The following PDGFRA variants were observed in gnomAD, a reference collection of about 807,000 sequenced individuals.
PDGFRA encodes platelet derived growth factor receptor alpha.
PDGFRA carries 25 observed loss-of-function variants against 121.5 expected under a neutral mutation model. That is an observed-to-expected ratio of 0.21 (90% CI 0.15 to 0.29). The LOEUF is 0.29. PDGFRA is among the 10% of genes least tolerant of loss of function. The pLI, the probability that PDGFRA is intolerant of heterozygous loss-of-function variation, is 1.00. For synonymous variants in PDGFRA, 463 were observed against 494.8 expected, an observed-to-expected ratio of 0.94 and a Z score of 0.85; for missense variants, 1,008 against 1,345.1, an observed-to-expected ratio of 0.75 and a Z score of 3.92.
intron 4 of PDGFRA, chr4:54,264,128 A>G (rs1261859749): frequency 3.3e-6 from 2 of 597,916 alleles, no homozygotes; most frequent in Non-Finnish European, 2.9e-6. Context: ...TTGATTACCC[A>G]TGCAAGATTT....
chr4:54,233,022 C>T (rs1166652212), intron 1 of PDGFRA, among the ~76,000 whole-genome samples: 2 of 152,154 alleles, frequency 1.3e-5, no homozygotes, highest in Non-Finnish European at 2.9e-5. Context: ...CCCCTCGGCC[C>T]CTTTCCCCCC....
intron 21 of PDGFRA, among the ~76,000 whole-genome samples, chr4:54,290,008 A>T (rs920194691): frequency 1.3e-5 from 2 of 152,236 alleles, no homozygotes; most frequent in South Asian, 4.1e-4. Flanking sequence ...TATGGGACCC[A>T]TCCAAGCCCT....
In PDGFRA at chr4:54,297,437, A is replaced by T. The variant is rs1724929618; in HGVS notation, c.*2165A>T. ...ACGAAAACCTGACTAGGTTCTGTAG[A>T]GCCAATTAGACTTGAAATACGTTTG... On this transcript the variant is annotated 3_prime_UTR_variant, in exon 23 of 23. Transcript: ENST00000257290. 1 of 233,610 alleles carries T rather than the reference A, an allele frequency of 4.3e-6. No homozygotes were observed. The highest frequency in any genetic ancestry group is 2.2e-5 in the African/African-American group (1 of 45,348). 14.5% of individuals were successfully genotyped at this position (233,610 alleles called of 1,614,324 possible).
At chr4:54,286,161 G>C (rs943082231) in intron 18 of PDGFRA, among the ~76,000 whole-genome samples, 198 bp downstream of exon 18, 3 of 152,148 alleles carry the variant, frequency 2.0e-5, no homozygotes, top group African/African-American at 7.2e-5. Flanking sequence ...TTTGGGGCTA[G>C]ATACTTGACT....
At chr4:54,235,268 T>C (rs368703387) in intron 1 of PDGFRA, among the ~76,000 whole-genome samples, 34 of 152,240 alleles carry the variant, frequency 2.2e-4, no homozygotes, top group African/African-American at 8.2e-4. Flanking sequence ...TTTAATCATG[T>C]GAGGGTGGGG....
rs1321102144 is a variant in PDGFRA at position 54,295,201 on chromosome 4, A to G, written c.3199A>G (p.Ile1067Val). The change falls in exon 23 of 23, where the codon ATT becomes GTT. Residue 1067 changes from isoleucine (I) to valine (V), a missense_variant. Physicochemically the swap from Ile to Val is conservative, Grantham distance 29. This residue lies in a region of PDGFRA where 204 missense variants were observed against 243.0 expected (regional missense o/e 0.84). Transcript: ENST00000257290. ...CTTCATCAAGAGAGAGGACGAGACCATTGAAGACATCGACATGATGGATGA... is the reference window on the plus strand; with the variant it reads ...CTTCATCAAGAGAGAGGACGAGACCGTTGAAGACATCGACATGATGGATGA... ...STFIKREDET[I>V]EDIDMMDDIG... The G allele has an allele frequency of 6.2e-7, 1 of 1,613,794 alleles. No homozygotes were observed. Among genetic ancestry groups the G allele is most frequent in the Admixed American group, 1.7e-5 (1 of 60,026 alleles).
intron 8 of PDGFRA, among the ~76,000 whole-genome samples, chr4:54,271,304 T>G (rs144620073): frequency 7.0e-4 from 106 of 152,292 alleles, no homozygotes; most frequent in African/African-American, 2.2e-3. Context: ...CTGTCTGAGG[T>G]GCGCTCATGT....
chr4:54,278,622 T>C, intron 15 of PDGFRA, 107 bp downstream of exon 15: 1 of 1,081,454 alleles, frequency 9.2e-7, no homozygotes, highest in Non-Finnish European at 1.4e-6. Context: ...GTGCCCAAGG[T>C]AGCAAGACTT....
At chr4:54,261,925 ATATATAT>A (rs1174556802) in intron 3 of PDGFRA, among the ~76,000 whole-genome samples, 1,254 of 72,562 alleles carry the variant, frequency 0.017, 5 homozygotes, top group Non-Finnish European at 0.025. Context: ...ATATATATAT[ATATATAT>A]TTTTTTTTTT....
At chr4:54,233,157 T>TCC (rs759064737) in intron 1 of PDGFRA, among the ~76,000 whole-genome samples, 10 of 151,898 alleles carry the variant, frequency 6.6e-5, no homozygotes, top group Non-Finnish European at 1.5e-4. Context: ...CCTCTGCAGC[T>TCC]CTGAGGTTCA....
chr4:54,237,836 G>T (rs1232353782), intron 1 of PDGFRA, among the ~76,000 whole-genome samples: 1 of 152,228 alleles, frequency 6.6e-6, no homozygotes. Context: ...CAGGCAAGTA[G>T]GTGGCACACA....
At chr4:54,229,514 AG>A in intron 1 of PDGFRA, 99 bp downstream of exon 1, 1 of 377,670 alleles carries the variant, frequency 2.6e-6, no homozygotes, top group Non-Finnish European at 4.6e-6. Flanking sequence ...TTGGGCGACA[AG>A]AAAAAAAAAA....
intron 1 of PDGFRA, among the ~76,000 whole-genome samples, chr4:54,253,151 G>T (rs1276623720): frequency 2.6e-5 from 4 of 152,214 alleles, no homozygotes; most frequent in Non-Finnish European, 4.4e-5. Flanking sequence ...GGTAGGAAGT[G>T]CAGGGCAAGT....
rs530687257 is a variant in PDGFRA at position 54,240,647 on chromosome 4, T to C, written c.-13+11232T>C. On this transcript the variant is annotated intron_variant, in intron 1 of 22. Transcript: ENST00000257290. ...GGTGGGAATTTGCAGGGGAAAATAATTGGGCTCTCCCTATACTTAGAAAAA... is the reference window on the plus strand; with the variant it reads ...GGTGGGAATTTGCAGGGGAAAATAACTGGGCTCTCCCTATACTTAGAAAAA... Among the ~76,000 whole-genome samples, 385 of 152,350 alleles carry C rather than the reference T, an allele frequency of 2.5e-3. 1 individual carries two copies. The highest frequency in any genetic ancestry group is 9.1e-3 in the African/African-American group (377 of 41,580).
chr4:54,278,577 C>T (rs1723889277), intron 15 of PDGFRA, 62 bp downstream of exon 15: 1 of 1,511,514 alleles, frequency 6.6e-7, no homozygotes, highest in South Asian at 1.1e-5. Flanking sequence ...AATGGAAAGA[C>T]CCATGTCCTG....
rs1060504254 is a variant in PDGFRA at position 54,280,391 on chromosome 4, C to T, written c.2232C>T (p.Pro744=). 77 of 1,612,452 alleles carry T rather than the reference C, an allele frequency of 4.8e-5. No homozygotes were observed. In the East Asian group the frequency reaches 1.7e-3, roughly 35 times the overall value. Residue 744 remains proline (P), a synonymous_variant, in exon 16 of 23, where the codon CCC becomes CCT. Transcript: ENST00000257290. The part of the protein sequence containing the change: ...MKQADTTQYV[P]MLERKEVSKY... ...AGGCTGATACTACACAGTATGTCCC[C>T]ATGCTAGAAAGGAAAGAGGTTTCTA...
At chr4:54,295,069 T>A (rs1724809819) in intron 22 of PDGFRA, 56 bp from the exon 23 acceptor site, 1 of 1,521,158 alleles carries the variant, frequency 6.6e-7, no homozygotes, top group Admixed American at 1.7e-5. Context: ...GGGGCCACAG[T>A]CTAGGTCTAG....
intron 16 of PDGFRA, among the ~76,000 whole-genome samples, chr4:54,284,560 G>GAGAC (rs1379979162): frequency 1.5e-4 from 2 of 12,950 alleles, no homozygotes; most frequent in Non-Finnish European, 1.0e-3. Flanking sequence ...AAGTGAGAGA[G>GAGAC]AGACAGAGAG....
rs374572896 is a variant in PDGFRA at position 54,247,150 on chromosome 4, A to G, written c.-12-11607A>G. Among the ~76,000 whole-genome samples, 1,518 of 152,248 alleles carry G rather than the reference A, an allele frequency of 1.0e-2. 18 individuals are homozygous for G. The highest frequency in any genetic ancestry group is 0.034 in the African/African-American group (1,413 of 41,526). On this transcript the variant is annotated intron_variant, in intron 1 of 22. Coordinates refer to ENST00000257290, the MANE Select transcript of PDGFRA (RefSeq NM_006206.6). ...AATTCTACCAGAGGTACAAGGAGGA[A>G]CTGGTACCATTCCTTCTGAAACTAT...
Sources: gnomAD v4.1 joint callset for allele counts (sites outside exome capture counted in the v4.1 genomes callset) on GRCh38, gnomAD v4.1.1 for gene constraint, gnomAD v4.1.1 regional missense constraint, MANE v1.5 for transcripts, NCBI Gene and HGNC (gene_info 2026-07-23, HGNC 2026-07-21) for gene names.